The following MSRA variants were observed in gnomAD, a reference collection of about 807,000 sequenced individuals.
The protein encoded by MSRA is methionine sulfoxide reductase A.
Under a neutral mutation model 31.3 loss-of-function variants are expected in MSRA, and 54 were observed. The observed-to-expected ratio is 1.73, with a 90% CI of 1.39 to 2.17. MSRA has a LOEUF of 2.17. MSRA is among the 30% of genes most tolerant of loss of function. MSRA has a pLI of 0.00. For synonymous variants in MSRA, 169 were observed against 116.5 expected (o/e 1.45, Z -2.90); for missense variants, 507 against 300.9 (o/e 1.69, Z -5.07).
At chr8:10,151,064 C>G (rs899861311) in intron 1 of MSRA, among the ~76,000 whole-genome samples, 1 of 151,666 alleles carries the variant, frequency 6.6e-6, no homozygotes, top group African/African-American at 2.4e-5. Context: ...AACATACCCT[C>G]TATCTAGTTG....
chr8:10,415,231 C>T (rs1249965993), intron 5 of MSRA, among the ~76,000 whole-genome samples: 7 of 152,132 alleles, frequency 4.6e-5, no homozygotes, highest in East Asian at 1.9e-4. Context: ...TCACGATGTG[C>T]GGTAGAGAAG....
At chr8:10,184,346 A>G (rs1334802360) in intron 1 of MSRA, among the ~76,000 whole-genome samples, 3 of 151,940 alleles carry the variant, frequency 2.0e-5, no homozygotes, top group African/African-American at 7.3e-5. Flanking sequence ...CTTAGACACT[A>G]ATACATTCTA....
chr8:10,072,675 T>C (rs531868847), intron 1 of MSRA, among the ~76,000 whole-genome samples: 17 of 152,372 alleles, frequency 1.1e-4, no homozygotes, highest in African/African-American at 4.1e-4. Flanking sequence ...TGATAGGAAT[T>C]GCATTTAGGG....
intron 2 of MSRA, among the ~76,000 whole-genome samples, chr8:10,212,185 T>TAA (rs747249770): frequency 1.4e-5 from 2 of 141,136 alleles, no homozygotes; most frequent in Non-Finnish European, 1.5e-5. Flanking sequence ...AGACTCTGTC[T>TAA]AAAAAAAAAA....
At chr8:10,413,098 A>G (rs1212341542) in intron 5 of MSRA, among the ~76,000 whole-genome samples, 6 of 152,186 alleles carry the variant, frequency 3.9e-5, no homozygotes, top group Admixed American at 3.9e-4. Context: ...AAATGGAAAC[A>G]CCACACTGAG....
rs933304341 is a variant in MSRA at position 10,286,125 on chromosome 8, C to T, written c.332-15409C>T. 7.2e-5 allele frequency among the ~76,000 whole-genome samples: 11 copies of T among 152,222 alleles called. No homozygotes were observed. In the East Asian group the frequency reaches 2.1e-3, roughly 29 times the overall value. On this transcript the variant is annotated intron_variant, in intron 3 of 5. Transcript: ENST00000317173. ...CTTATTTAATCTAAGCCATCCTGTC[C>T]ATTCTAGGATCTTCTTCCTGTGTTA...
chr8:10,364,270 A>G (rs1400991079), intron 5 of MSRA, among the ~76,000 whole-genome samples: 1 of 152,188 alleles, frequency 6.6e-6, no homozygotes, highest in Non-Finnish European at 1.5e-5. Context: ...TTAGACTGTC[A>G]TCCATGAACA....
intron 1 of MSRA, among the ~76,000 whole-genome samples, chr8:10,055,217 C>G (rs939772877): frequency 9.9e-5 from 15 of 152,182 alleles, no homozygotes; most frequent in African/African-American, 2.7e-4. Context: ...CCCCGCTGTC[C>G]CCAGGGGCAG....
At chr8:10,208,320 C>G (rs142577382) in intron 2 of MSRA, among the ~76,000 whole-genome samples, 12 of 152,158 alleles carry the variant, frequency 7.9e-5, no homozygotes, top group African/African-American at 2.7e-4. Flanking sequence ...TCTTCCTTCT[C>G]CATCATGAAT....
chr8:10,071,458 CTTT>C (rs77512999), intron 1 of MSRA, among the ~76,000 whole-genome samples: 2,045 of 129,262 alleles, frequency 0.016, 15 homozygotes, highest in Non-Finnish European at 0.023. Context: ...TTTTAATTTT[CTTT>C]TTTTTTTTTT....
Position 10,428,237 on chromosome 8 carries a change from C to T in MSRA, c.633C>T (p.Tyr211=), listed in dbSNP as rs747565630. The change falls in exon 6 of 6, where the codon TAC becomes TAT. Residue 211 remains tyrosine, a synonymous_variant. Coordinates refer to ENST00000317173, the MANE Select transcript of MSRA (RefSeq NM_012331.5). ...FYYAEDYHQQ[Y]LSKNPNGYCG... is the part of the protein sequence containing the mutation. ...ATGCGGAAGACTACCACCAGCAGTACCTGAGCAAGAACCCCAATGGCTACT... is the reference window on the plus strand; with the variant it reads ...ATGCGGAAGACTACCACCAGCAGTATCTGAGCAAGAACCCCAATGGCTACT... The T allele has an allele frequency of 9.3e-6, 15 of 1,614,074 alleles. No individual in the cohort carries two copies. Among genetic ancestry groups the T allele is most frequent in the Admixed American group, 3.3e-5 (2 of 60,006 alleles).
At chr8:10,320,049 G>C (rs751793593) in intron 5 of MSRA, 60 bp downstream of exon 5, 2 of 1,052,612 alleles carry the variant, frequency 1.9e-6, no homozygotes, top group Admixed American at 5.1e-5. Context: ...GCCAGGTTCT[G>C]ATTTTAGAGG....
chr8:10,260,602 A>C (rs1259010856), intron 3 of MSRA, among the ~76,000 whole-genome samples: 1 of 152,174 alleles, frequency 6.6e-6, no homozygotes, highest in South Asian at 2.1e-4. Context: ...AAATCCAAGG[A>C]CGTATCATGT....
In MSRA at chr8:10,115,689, C is replaced by A. The variant is rs559648378; in HGVS notation, c.142+61031C>A. Reference sequence around the variant, plus strand: ...CTAGTCTGGGCAGACAAGAGATTTCCATTCATGATTAAGGAGGGCCCACGG... The same window carrying A: ...CTAGTCTGGGCAGACAAGAGATTTCAATTCATGATTAAGGAGGGCCCACGG... On this transcript the variant is annotated intron_variant, in intron 1 of 5. Coordinates refer to ENST00000317173, the MANE Select transcript of MSRA (RefSeq NM_012331.5). Among the ~76,000 whole-genome samples, 4 of 152,228 alleles carry A rather than the reference C, an allele frequency of 2.6e-5. No homozygotes were observed. The South Asian group carries it at 8.3e-4, about 32-fold the overall frequency.
chr8:10,408,652 G>C (rs1807967756), intron 5 of MSRA, among the ~76,000 whole-genome samples: 1 of 152,182 alleles, frequency 6.6e-6, no homozygotes, highest in African/African-American at 2.4e-5. Flanking sequence ...ATTGTGTAGT[G>C]GCGAAGTCTG....
chr8:10,095,907 A>G, intron 1 of MSRA: 1 of 1,315,942 alleles, frequency 7.6e-7, no homozygotes, highest in Non-Finnish European at 9.8e-7. Flanking sequence ...CATGAGAGAC[A>G]GGATTAATAT....
chr8:10,295,158 T>C (rs1399180025), intron 3 of MSRA, among the ~76,000 whole-genome samples: 1 of 152,132 alleles, frequency 6.6e-6, no homozygotes, highest in East Asian at 1.9e-4. Flanking sequence ...GTTTGGGCAA[T>C]GAGACTGCTT....
At chr8:10,260,532 C>T (rs1264736868) in intron 3 of MSRA, among the ~76,000 whole-genome samples, 2 of 152,268 alleles carry the variant, frequency 1.3e-5, no homozygotes, top group Middle Eastern at 3.4e-3. Flanking sequence ...GGAGTTAGGG[C>T]AACAGATGGA....
intron 3 of MSRA, among the ~76,000 whole-genome samples, chr8:10,261,608 CAG>C (rs1798488044): frequency 6.6e-6 from 1 of 152,228 alleles, no homozygotes; most frequent in East Asian, 1.9e-4. Context: ...AGGAAGTACA[CAG>C]AGTTCCAATG....
Sources: gnomAD v4.1 joint callset for allele counts (sites outside exome capture counted in the v4.1 genomes callset) on GRCh38, gnomAD v4.1.1 for gene constraint, MANE v1.5 for transcripts, NCBI Gene and HGNC (gene_info 2026-07-23, HGNC 2026-07-21) for gene names.